Variants in ABCC2 observed in about 807,000 individuals in gnomAD.
ABCC2 encodes ATP-binding cassette sub-family C member 2.
Under a neutral mutation model 173.4 loss-of-function variants are expected in ABCC2, and 157 were observed. The observed-to-expected ratio is 0.91, with a 90% CI of 0.80 to 1.03. The LOEUF (loss-of-function observed/expected upper bound fraction) is 1.03. Ranked by LOEUF, ABCC2 falls within the 50% of genes least tolerant of loss-of-function variation. ABCC2 has a pLI of 0.00. For synonymous variants in ABCC2, 657 were observed against 693.5 expected, an observed-to-expected ratio of 0.95 and a Z score of 0.83; for missense variants, 1,822 against 1,852.3, an observed-to-expected ratio of 0.98 and a Z score of 0.30.
chr10:99,800,016 A>G (rs1318894393), intron 8 of ABCC2, among the ~76,000 whole-genome samples: 8 of 152,192 alleles, frequency 5.3e-5, no homozygotes, highest in Admixed American at 5.2e-4. Context: ...AGGCTGGTCA[A>G]CATAACGAGA....
chr10:99,840,458 TC>T, intron 25 of ABCC2, among the ~76,000 whole-genome samples: 1 of 141,208 alleles, frequency 7.1e-6, no homozygotes, highest in Middle Eastern at 3.7e-3. Context: ...TTCTGGGGCC[TC>T]CGGCGCCGCG....
chr10:99,832,131 C>T lies in ABCC2; in HGVS notation c.3258C>T (p.Gly1086=), dbSNP rs200115373. The T allele has an allele frequency of 5.8e-5, 93 of 1,613,998 alleles. No individual in the cohort carries two copies. The highest frequency in any genetic ancestry group is 1.6e-4 in the Middle Eastern group (1 of 6,078). ...PTGRIVNRFA[G]DISTVDDTLP... ...GCCGGATTGTGAACAGGTTTGCCGGCGTAAGTATCTCAAGAACTGTCAGGT... is the reference window on the plus strand; with the variant it reads ...GCCGGATTGTGAACAGGTTTGCCGGTGTAAGTATCTCAAGAACTGTCAGGT... Residue 1086 remains glycine (G), a splice_region_variant and synonymous_variant, in exon 23 of 32, where the codon GGC becomes GGT. Transcript: ENST00000647814.
Position 99,851,840 on chromosome 10 carries a change from CT to C in ABCC2, c.*211del, listed in dbSNP as rs2039092416. The C allele has an allele frequency of 6.3e-6, 3 of 475,704 alleles. No individual in the cohort carries two copies. Among genetic ancestry groups the C allele is most frequent in the Non-Finnish European group, 3.6e-6 (1 of 275,796 alleles). The allele number at this position is 475,704 out of a possible 1,614,324, so 29.5% of individuals were successfully genotyped here. On this transcript the variant is annotated 3_prime_UTR_variant, in exon 32 of 32. Coordinates refer to ENST00000647814, the MANE Select transcript of ABCC2 (RefSeq NM_000392.5). Reference sequence around the variant, plus strand: ...CCCTCGATTGTCTACCTCGATCGTACTTCCTTGCTACCCACCCCTCCCAGGG... The same window carrying C: ...CCCTCGATTGTCTACCTCGATCGTACTCCTTGCTACCCACCCCTCCCAGGG...
intron 21 of ABCC2, 54 bp from the exon 22 acceptor site, chr10:99,831,557 C>A: frequency 6.5e-7 from 1 of 1,549,198 alleles, no homozygotes; most frequent in Non-Finnish European, 8.9e-7. Flanking sequence ...CTAGGTGATT[C>A]CTTATCAAAA....
At chr10:99,789,709 CAAAAAAA>C (rs11412117) in intron 2 of ABCC2, among the ~76,000 whole-genome samples, 5 of 98,292 alleles carry the variant, frequency 5.1e-5, no homozygotes, top group Admixed American at 2.4e-4. Flanking sequence ...AACTCCGTCT[CAAAAAAA>C]AAAAAAAAAA....
At chr10:99,830,645 G>T in intron 20 of ABCC2, 71 bp from the exon 21 acceptor site, 2 of 1,608,300 alleles carry the variant, frequency 1.2e-6, no homozygotes, top group South Asian at 2.2e-5. Flanking sequence ...CCAGCTGAGT[G>T]ACTGTGACAT....
chr10:99,829,264 T>C (rs941927894), intron 19 of ABCC2, among the ~76,000 whole-genome samples: 4 of 152,136 alleles, frequency 2.6e-5, no homozygotes, highest in African/African-American at 9.7e-5. Flanking sequence ...TCATGGCTGC[T>C]ATGATTGTAT....
intron 2 of ABCC2, among the ~76,000 whole-genome samples, chr10:99,787,149 C>G (rs1422496996): frequency 4.0e-5 from 5 of 123,638 alleles, no homozygotes; most frequent in African/African-American, 1.5e-4. Flanking sequence ...GCTTCAGACT[C>G]TGTCTCAAAA....
intron 2 of ABCC2, among the ~76,000 whole-genome samples, chr10:99,791,429 T>C (rs2037810757): frequency 6.6e-6 from 1 of 152,126 alleles, no homozygotes; most frequent in African/African-American, 2.4e-5. Flanking sequence ...AAAAAACCTA[T>C]GGCCTAAGAA....
At chr10:99,839,336 C>A (rs2038894609) in intron 25 of ABCC2, among the ~76,000 whole-genome samples, 1 of 102,830 alleles carries the variant, frequency 9.7e-6, no homozygotes, top group Non-Finnish European at 2.1e-5. Context: ...CCTCACCTCC[C>A]GGACAGGGCG....
chr10:99,805,522 G>A (rs2038085417), intron 11 of ABCC2, 75 bp downstream of exon 11: 2 of 1,439,338 alleles, frequency 1.4e-6, no homozygotes, highest in Admixed American at 1.7e-5. Context: ...TGCAAACCCT[G>A]GTAGAGGTGA....
intron 9 of ABCC2, among the ~76,000 whole-genome samples, chr10:99,802,663 G>A (rs2038032389): frequency 6.6e-6 from 1 of 152,210 alleles, no homozygotes; most frequent in South Asian, 2.1e-4. Context: ...TAAGATGACA[G>A]TAATGCTTCT....
At chr10:99,788,066 C>CAAA (rs59849924) in intron 2 of ABCC2, among the ~76,000 whole-genome samples, 2 of 147,174 alleles carry the variant, frequency 1.4e-5, no homozygotes, top group African/African-American at 5.0e-5. Context: ...GACCCTGTCT[C>CAAA]AAAAAAAAAA....
intron 16 of ABCC2, among the ~76,000 whole-genome samples, chr10:99,815,516 C>T (rs923085050): frequency 2.6e-5 from 4 of 151,050 alleles, no homozygotes; most frequent in African/African-American, 4.9e-5. Context: ...TTTTTTTTAA[C>T]GGAGGAAAAT....
At chr10:99,817,610 C>T in intron 17 of ABCC2, 126 bp downstream of exon 17, 1 of 1,032,852 alleles carries the variant, frequency 9.7e-7, no homozygotes, top group Non-Finnish European at 1.5e-6. Context: ...TTGGAATAAA[C>T]ACCAGAAATC....
At chr10:99,841,727 G>A (rs940342973) in intron 25 of ABCC2, among the ~76,000 whole-genome samples, 21 of 152,150 alleles carry the variant, frequency 1.4e-4, no homozygotes, top group Admixed American at 1.1e-3. Context: ...ACATTGCACT[G>A]TAGGATTCCC....
intron 13 of ABCC2, 74 bp downstream of exon 13, chr10:99,808,303 C>A: frequency 6.4e-7 from 1 of 1,565,690 alleles, no homozygotes; most frequent in Non-Finnish European, 8.8e-7. Flanking sequence ...CTGGCTATCA[C>A]ATCCCATGTC....
chr10:99,797,018 G>T, intron 6 of ABCC2, 79 bp from the exon 7 acceptor site: 1 of 1,225,252 alleles, frequency 8.2e-7, no homozygotes, highest in Non-Finnish European at 1.2e-6. Context: ...AGAACCTGGA[G>T]GTAGGTTCTG....
At position 99,844,402 on chromosome 10, in the gene ABCC2, G is replaced by A. The variant is rs746340595; in HGVS notation, c.3924G>A (p.Arg1308=). ...TCCAGTTTAACAACTACCAAGTGCG[G>A]TACCGACCTGAGCTGGATCTGGTCC... ...GKIQFNNYQV[R]YRPELDLVLR... Residue 1308 remains arginine (R), a synonymous_variant, in exon 28 of 32, where the codon CGG becomes CGA. Coordinates refer to ENST00000647814, the MANE Select transcript of ABCC2 (RefSeq NM_000392.5). The A allele has an allele frequency of 1.9e-6, 3 of 1,614,238 alleles. No individual in the cohort carries two copies. The highest frequency in any genetic ancestry group is 1.7e-6 in the Non-Finnish European group (2 of 1,180,048).
Sources: allele counts gnomAD v4.1 joint callset (sites outside exome capture counted in the v4.1 genomes callset), GRCh38; gene constraint gnomAD v4.1.1; transcripts MANE v1.5; gene names NCBI Gene and HGNC (gene_info 2026-07-23, HGNC 2026-07-21).